Variants in TCP11 observed in about 807,000 individuals in gnomAD.
TCP11 encodes the protein t-complex 11.
TCP11 carries 34 observed loss-of-function variants against 45.0 expected under a neutral mutation model. The ratio of observed to expected loss-of-function variants is 0.76; its 90% CI spans 0.57 to 1.01. The LOEUF (loss-of-function observed/expected upper bound fraction) is 1.01, where lower values mean the gene tolerates loss of function less well. TCP11 is among the 50% of genes least tolerant of loss of function. The probability of loss-of-function intolerance (pLI) is 0.00; values close to 1 mark genes in which losing one functional copy is unlikely to be tolerated. For synonymous variants in TCP11, 227 were observed against 227.0 expected (o/e 1.00, Z 0.00); for missense variants, 523 against 598.1 (o/e 0.87, Z 1.31).
intron 3 of TCP11, among the ~76,000 whole-genome samples, chr6:35,134,076 T>A (rs966437186): frequency 6.6e-6 from 1 of 151,968 alleles, no homozygotes; most frequent in Admixed American, 6.6e-5. Flanking sequence ...TGAAGCCACT[T>A]AAAAGGGTAG....
chr6:35,139,986 TTG>T (rs774686200), intron 2 of TCP11: 2 of 1,610,794 alleles, frequency 1.2e-6, no homozygotes, highest in South Asian at 2.2e-5. Flanking sequence ...AAAACTTAAA[TTG>T]TGTGTACAAA....
At chr6:35,124,132 G>A (rs1779582381) in intron 4 of TCP11, among the ~76,000 whole-genome samples, 1 of 152,072 alleles carries the variant, frequency 6.6e-6, no homozygotes, top group South Asian at 2.1e-4. Context: ...CCACATTTGT[G>A]TTTGCTACTT....
intron 3 of TCP11, among the ~76,000 whole-genome samples, chr6:35,129,795 G>A (rs1330237240): frequency 6.6e-6 from 1 of 151,904 alleles, no homozygotes; most frequent in Non-Finnish European, 1.5e-5. Flanking sequence ...TATTTTTTGA[G>A]ACAGGGTCTC....
chr6:35,120,350 AG>A lies in TCP11; in HGVS notation c.934-11del, dbSNP rs1779094391. 1 of 1,609,794 alleles carries A rather than the reference AG, an allele frequency of 6.2e-7. No homozygotes were observed. The highest frequency in any genetic ancestry group is 8.5e-7 in the Non-Finnish European group (1 of 1,177,122). On this transcript the variant is annotated splice_polypyrimidine_tract_variant and intron_variant, in intron 7 of 9. Coordinates refer to ENST00000311875, the MANE Select transcript of TCP11 (RefSeq NM_001370687.1). This position sits in a 1 kb window ranked among gnomAD's most constrained non-coding sequence, Gnocchi z 4.9. Reference sequence around the variant, plus strand: ...TGTCCATCAGCAGGGTCTGGGAACCAGGGAAGAACAGGCTGTCAGGGGAAGT... The same window carrying A: ...TGTCCATCAGCAGGGTCTGGGAACCAGGAAGAACAGGCTGTCAGGGGAAGT...
chr6:35,131,289 C>T lies in TCP11; in HGVS notation c.237-2107G>A, dbSNP rs555643389. 4.0e-5 allele frequency among the ~76,000 whole-genome samples: 6 copies of T among 150,142 alleles called. No homozygotes were observed. The South Asian group carries it at 6.3e-4, about 16-fold the overall frequency. Reference sequence around the variant, plus strand: ...CTCCATCTCAAAACAAAAAGAAGGCCGGGCGCGGTGGCTCATGCCTATAAT... The same window carrying T: ...CTCCATCTCAAAACAAAAAGAAGGCTGGGCGCGGTGGCTCATGCCTATAAT... On this transcript the variant is annotated intron_variant, in intron 3 of 9. Transcript: ENST00000311875.
chr6:35,140,979 G>A (rs1781702240), intron 1 of TCP11, 95 bp from the exon 2 acceptor site: 1 of 1,409,118 alleles, frequency 7.1e-7, no homozygotes, highest in South Asian at 1.5e-5. Context: ...GGGGGTAGCG[G>A]CCTCAGGGTC....
intron 2 of TCP11, chr6:35,137,572 T>C (rs1045408928): frequency 5.5e-6 from 1 of 183,462 alleles, no homozygotes; most frequent in African/African-American, 2.4e-5. Context: ...CACTAAATAG[T>C]GCTAAGAATT....
At chr6:35,128,839 A>T (rs890242965) in intron 4 of TCP11, 1 of 518,996 alleles carries the variant, frequency 1.9e-6, no homozygotes, top group South Asian at 2.5e-5. Flanking sequence ...AGGATTCTTT[A>T]GTTTTCCTTA....
chr6:35,141,096 G>A, intron 1 of TCP11, 109 bp downstream of exon 1: 1 of 1,276,622 alleles, frequency 7.8e-7, no homozygotes. Flanking sequence ...TAAAGCCACA[G>A]AAGCCCGGCG....
At chr6:35,127,491 C>T (rs1478362788) in intron 4 of TCP11, among the ~76,000 whole-genome samples, 1 of 152,126 alleles carries the variant, frequency 6.6e-6, no homozygotes, top group Non-Finnish European at 1.5e-5. Flanking sequence ...ATGAATGAAT[C>T]GTGGAAGAAG....
At position 35,140,782 on chromosome 6, in the gene TCP11, T is replaced by C. The variant is rs775498454; in HGVS notation, c.89A>G (p.Gln30Arg). ...SCKPETSGPP[Q>R]EDKSGSEDPP... ...GTCCTCGGAGCCGCTCTTGTCTTCC[T>C]GGGGGGGTCCTGAGGTTTCGGGCTT... The change falls in exon 2 of 10, where the codon CAG (glutamine) becomes CGG (arginine). Residue 30 changes from glutamine (Q) to arginine (R), a missense_variant. By Grantham distance (43) the Gln-to-Arg change is conservative. Transcript: ENST00000311875. 4 of 1,531,180 alleles carry C rather than the reference T, an allele frequency of 2.6e-6. No homozygotes were observed. Among genetic ancestry groups the C allele is most frequent in the African/African-American group, 1.4e-5 (1 of 71,938 alleles). The allele number at this position is 1,531,180 out of a possible 1,614,324, so 94.8% of individuals were successfully genotyped here.
At chr6:35,136,500 T>C (rs1234352030) in intron 2 of TCP11, among the ~76,000 whole-genome samples, 3 of 146,452 alleles carry the variant, frequency 2.0e-5, no homozygotes, top group African/African-American at 7.7e-5. Context: ...AAAAGTAAAA[T>C]CGTATTTATA....
chr6:35,125,555 T>C (rs554185357), intron 4 of TCP11, among the ~76,000 whole-genome samples: 85 of 152,320 alleles, frequency 5.6e-4, no homozygotes, highest in Middle Eastern at 6.8e-3. Flanking sequence ...CCTGGTACAT[T>C]GCTGGTAGGA....
rs561736938 is a variant in TCP11 at position 35,122,395 on chromosome 6, A to T, written c.358-58T>A. The T allele has an allele frequency of 2.7e-6, 4 of 1,504,300 alleles. No homozygotes were observed. The South Asian group carries it at 4.6e-5, about 17-fold the overall frequency. 93.2% of individuals were successfully genotyped at this position (1,504,300 alleles called of 1,614,324 possible). ...TGTTTAGATCCCCAAACTTTATCCAATGGGCAATCCCTTTAGCTAAAGACA... is the reference window on the plus strand; with the variant it reads ...TGTTTAGATCCCCAAACTTTATCCATTGGGCAATCCCTTTAGCTAAAGACA... On this transcript the variant is annotated intron_variant, in intron 4 of 9. Transcript: ENST00000311875.
intron 9 of TCP11, among the ~76,000 whole-genome samples, chr6:35,118,858 G>A (rs1778919059): frequency 6.6e-6 from 1 of 152,168 alleles, no homozygotes; most frequent in Non-Finnish European, 1.5e-5. Context: ...CAGCATGAGG[G>A]TAGGGGATTC....
At position 35,120,121 on chromosome 6, in the gene TCP11, T is replaced by C; in HGVS notation, c.1115+38A>G. ...ACCTGCCTATGTTCTAAATACCACA[T>C]ATCACCTTCTACTCTAAAAAGTAAC... On this transcript the variant is annotated intron_variant, in intron 8 of 9. Transcript: ENST00000311875. The surrounding 1 kb of genome is among the most constrained non-coding windows in gnomAD (Gnocchi z 4.9). 1.3e-6 allele frequency: 2 copies of C among 1,599,292 alleles called. No homozygotes were observed. Among genetic ancestry groups the C allele is most frequent in the South Asian group, 1.1e-5 (1 of 87,398 alleles).
chr6:35,140,533 T>A (rs1781611552), intron 2 of TCP11: 1 of 659,236 alleles, frequency 1.5e-6, no homozygotes, highest in African/African-American at 1.8e-5. Context: ...CAGATTCAAG[T>A]AATCACGCTT....
chr6:35,141,119 C>A (rs947504169), intron 1 of TCP11, 86 bp downstream of exon 1: 6 of 1,302,636 alleles, frequency 4.6e-6, no homozygotes, highest in Non-Finnish European at 5.9e-6. Context: ...GGGCGGGAAG[C>A]GTGGGAAGGC....
At chr6:35,123,180 T>C (rs1452588750) in intron 4 of TCP11, among the ~76,000 whole-genome samples, 13 of 152,248 alleles carry the variant, frequency 8.5e-5, no homozygotes, top group Admixed American at 8.5e-4. Flanking sequence ...AGCTCCTGCA[T>C]TGTGGAAGCT....
Sources: allele counts gnomAD v4.1 joint callset (sites outside exome capture counted in the v4.1 genomes callset), GRCh38; gene constraint gnomAD v4.1.1; non-coding constraint Gnocchi (gnomAD v3.1); transcripts MANE v1.5; gene names NCBI Gene and HGNC (gene_info 2026-07-23, HGNC 2026-07-21).